The following PTPRT variants were observed in gnomAD, a reference collection of about 807,000 sequenced individuals.
The protein encoded by PTPRT is receptor-type tyrosine-protein phosphatase T.
A neutral mutation model predicts 176.8 loss-of-function variants in PTPRT; 56 were observed. The ratio of observed to expected loss-of-function variants is 0.32; its 90% CI spans 0.26 to 0.40. The LOEUF (loss-of-function observed/expected upper bound fraction) is 0.40, where lower values mean the gene tolerates loss of function less well. PTPRT is among the 10% of genes least tolerant of loss of function. The pLI, the probability that PTPRT is intolerant of heterozygous loss-of-function variation, is 1.00. For missense variants in PTPRT, 1,540 were observed against 1,908.2 expected (o/e 0.81, Z 3.60); for synonymous variants, 783 against 739.0 (o/e 1.06, Z -0.96).
At chr20:42,359,495 G>A (rs1011798384) in intron 9 of PTPRT, among the ~76,000 whole-genome samples, 2 of 152,194 alleles carry the variant, frequency 1.3e-5, no homozygotes, top group African/African-American at 2.4e-5. Flanking sequence ...TACTGGCCTC[G>A]TGCTTCCAAT....
intron 1 of PTPRT, among the ~76,000 whole-genome samples, chr20:42,972,244 T>C (rs1057507323): frequency 6.7e-6 from 1 of 148,956 alleles, no homozygotes; most frequent in Admixed American, 6.6e-5. Flanking sequence ...AGGCCCCAAG[T>C]AGTGCACAAT....
chr20:42,042,047 T>A, the PTPRT span, among the ~76,000 whole-genome samples: 1 of 152,196 alleles, frequency 6.6e-6, no homozygotes, highest in Non-Finnish European at 1.5e-5. Context: ...CTGTCACTTG[T>A]ACTCCTGCCA....
intron 16 of PTPRT, among the ~76,000 whole-genome samples, chr20:42,182,528 C>G (rs367799245): frequency 1.3e-5 from 2 of 152,118 alleles, no homozygotes; most frequent in East Asian, 3.9e-4. Context: ...ACAGAAGTGA[C>G]TGTTAGTTTG....
chr20:42,118,569 C>G (rs78600393), intron 20 of PTPRT, 69 bp from the exon 21 acceptor site: 3 of 1,412,334 alleles, frequency 2.1e-6, no homozygotes, highest in South Asian at 2.7e-5. Flanking sequence ...GGTTTGTCCC[C>G]CCGGTTGGTC....
At chr20:42,295,652 A>G (rs1220724268) in intron 12 of PTPRT, among the ~76,000 whole-genome samples, 4 of 151,838 alleles carry the variant, frequency 2.6e-5, no homozygotes, top group Admixed American at 6.6e-5. Context: ...GAGAGAGAGA[A>G]AGAGGAAGAA....
At chr20:42,760,804 G>A (rs1463372045) in intron 5 of PTPRT, among the ~76,000 whole-genome samples, 2 of 152,182 alleles carry the variant, frequency 1.3e-5, no homozygotes, top group Non-Finnish European at 2.9e-5. Flanking sequence ...ACTTGGAGAT[G>A]TTGTTTACTG....
At position 42,917,603 on chromosome 20, in the gene PTPRT, T is replaced by A. The variant is rs138676088; in HGVS notation, c.89-31671A>T. On this transcript the variant is annotated intron_variant, in intron 1 of 30. Coordinates refer to ENST00000373187, the MANE Select transcript of PTPRT (RefSeq NM_007050.6). The stretch of plus-strand genomic sequence containing the variant: ...TTCTTCCTACCCATGAGCATTGTTA[T>A]CAAAGGAAAATCTCAGGAAAATTGA... Among the ~76,000 whole-genome samples, 967 of 152,226 alleles carry A rather than the reference T, an allele frequency of 6.4e-3. 9 individuals are homozygous for A. Among genetic ancestry groups the A allele is most frequent in the African/African-American group, 0.022 (923 of 41,536 alleles).
chr20:43,164,249 G>A (rs371151358), intron 1 of PTPRT, among the ~76,000 whole-genome samples: 1 of 152,104 alleles, frequency 6.6e-6, no homozygotes, highest in East Asian at 1.9e-4. Flanking sequence ...CAGAGGATTC[G>A]GCACTGGCTT....
At chr20:42,733,326 C>T (rs2076490810) in intron 6 of PTPRT, among the ~76,000 whole-genome samples, 1 of 152,186 alleles carries the variant, frequency 6.6e-6, no homozygotes, top group Non-Finnish European at 1.5e-5. Context: ...AACACGGGCT[C>T]ATTTATACAA....
chr20:42,699,885 C>G (rs1410361553), intron 6 of PTPRT, among the ~76,000 whole-genome samples: 1 of 152,132 alleles, frequency 6.6e-6, no homozygotes, highest in Admixed American at 6.5e-5. Flanking sequence ...AGTAAGCCCA[C>G]AAACTAATTT....
chr20:42,156,725 T>C (rs554810934), intron 17 of PTPRT, among the ~76,000 whole-genome samples: 1 of 152,366 alleles, frequency 6.6e-6, no homozygotes, highest in East Asian at 1.9e-4. Flanking sequence ...TTTTGTAACA[T>C]ACACCATGTG....
chr20:42,307,764 A>G (rs2057565419), intron 12 of PTPRT, among the ~76,000 whole-genome samples: 1 of 152,180 alleles, frequency 6.6e-6, no homozygotes, highest in Non-Finnish European at 1.5e-5. Context: ...GCTGGGTAAA[A>G]TAAGGCTGAG....
At position 42,701,601 on chromosome 20, in the gene PTPRT, T is replaced by C. The variant is rs547507949; in HGVS notation, c.860-23442A>G. 2.0e-5 allele frequency among the ~76,000 whole-genome samples: 3 copies of C among 152,276 alleles called. No homozygotes were observed. The South Asian group carries it at 6.2e-4, about 32-fold the overall frequency. On this transcript the variant is annotated intron_variant, in intron 6 of 30. Transcript: ENST00000373187. ...TTTACATTGAGAATTGCAAATCCCA[T>C]AGTCTCTCCCAGGCATGGCCAGGGT...
chr20:42,929,163 G>C (rs1445250243), intron 1 of PTPRT, among the ~76,000 whole-genome samples: 2 of 152,238 alleles, frequency 1.3e-5, no homozygotes, highest in Non-Finnish European at 2.9e-5. Flanking sequence ...TTCTCTCCTA[G>C]GGAGATATTT....
Position 42,652,427 on chromosome 20 carries a change from T to C in PTPRT, c.1153+25439A>G, listed in dbSNP as rs539465226. Among the ~76,000 whole-genome samples the C allele has an allele frequency of 3.3e-5, 5 of 152,234 alleles. No homozygotes were observed. The South Asian group carries it at 1.0e-3, about 32-fold the overall frequency. ...CTACCCTGAGGAATGTGCTGAGGGATGGTGCACGAAGCAGGGTGTTGTAAC... is the reference window on the plus strand; with the variant it reads ...CTACCCTGAGGAATGTGCTGAGGGACGGTGCACGAAGCAGGGTGTTGTAAC... On this transcript the variant is annotated intron_variant, in intron 7 of 30. Coordinates refer to ENST00000373187, the MANE Select transcript of PTPRT (RefSeq NM_007050.6).
At chr20:42,623,289 C>T (rs1250982381) in intron 7 of PTPRT, among the ~76,000 whole-genome samples, 1 of 152,196 alleles carries the variant, frequency 6.6e-6, no homozygotes, top group Admixed American at 6.5e-5. Context: ...GAGTCGCAGA[C>T]ACCCACCCTT....
intron 6 of PTPRT, among the ~76,000 whole-genome samples, chr20:42,735,272 C>A (rs759420482): frequency 6.6e-6 from 1 of 152,026 alleles, no homozygotes; most frequent in Non-Finnish European, 1.5e-5. Context: ...TGTGATGGAG[C>A]CAAATGTGAC....
At chr20:42,950,680 T>C (rs759871675) in intron 1 of PTPRT, among the ~76,000 whole-genome samples, 21 of 152,202 alleles carry the variant, frequency 1.4e-4, no homozygotes, top group Non-Finnish European at 2.5e-4. Flanking sequence ...TACTCTGTAA[T>C]TGGGTACGTG....
At chr20:42,362,260 C>T (rs1284046211) in intron 9 of PTPRT, among the ~76,000 whole-genome samples, 1 of 152,038 alleles carries the variant, frequency 6.6e-6, no homozygotes, top group African/African-American at 2.4e-5. Flanking sequence ...GAGTGAGACC[C>T]TGTCTCTAAA....
Sources: gnomAD v4.1 joint callset for allele counts (sites outside exome capture counted in the v4.1 genomes callset) on GRCh38, gnomAD v4.1.1 for gene constraint, MANE v1.5 for transcripts, NCBI Gene and HGNC (gene_info 2026-07-23, HGNC 2026-07-21) for gene names.